Variants in ARHGAP26 observed in about 807,000 individuals in gnomAD.
ARHGAP26 encodes Rho GTPase activating protein 26, also known as rho GTPase-activating protein 26.
In ARHGAP26, 38 loss-of-function variants were observed where a neutral mutation model predicts 104.8. The ratio of observed to expected loss-of-function variants is 0.36; its 90% CI spans 0.28 to 0.48. The LOEUF is 0.48. ARHGAP26 is among the 20% of genes least tolerant of loss of function. ARHGAP26 has a pLI of 0.99. For missense variants in ARHGAP26, 704 were observed against 947.9 expected (o/e 0.74, Z 3.38); for synonymous variants, 341 against 340.0 (o/e 1.00, Z -0.03).
intron 11 of ARHGAP26, among the ~76,000 whole-genome samples, chr5:142,993,299 A>G (rs1210946321): frequency 6.6e-6 from 1 of 151,528 alleles, no homozygotes; most frequent in Non-Finnish European, 1.5e-5. Context: ...CCTCCCGAGT[A>G]GCTGGGACTA....
intron 10 of ARHGAP26, chr5:142,922,206 C>A (rs1413860504): frequency 6.6e-6 from 1 of 152,160 alleles, no homozygotes; most frequent in Non-Finnish European, 1.5e-5. Context: ...ATTGTTTCTT[C>A]TAGCTTGCTA....
chr5:143,101,406 G>A (rs771671481), intron 17 of ARHGAP26, among the ~76,000 whole-genome samples: 2 of 151,912 alleles, frequency 1.3e-5, no homozygotes, highest in African/African-American at 2.4e-5. Flanking sequence ...TCAGGGAGTG[G>A]GCCTTAAATG....
intron 17 of ARHGAP26, among the ~76,000 whole-genome samples, chr5:143,077,589 G>A (rs1789224881): frequency 6.6e-6 from 1 of 152,204 alleles, no homozygotes; most frequent in South Asian, 2.1e-4. Context: ...GCTCACCGTA[G>A]ATGACTAGGA....
At chr5:142,925,537 C>A (rs1763789110) in intron 10 of ARHGAP26, among the ~76,000 whole-genome samples, 2 of 152,218 alleles carry the variant, frequency 1.3e-5, no homozygotes, top group African/African-American at 4.8e-5. Context: ...AAATGAAGCT[C>A]TTCTGAACCC....
intron 20 of ARHGAP26, among the ~76,000 whole-genome samples, chr5:143,204,033 A>T (rs563038202): frequency 6.6e-6 from 1 of 151,774 alleles, no homozygotes; most frequent in Admixed American, 6.6e-5. Flanking sequence ...AAACCTGCAC[A>T]TTCTGCACAT....
At chr5:143,119,743 C>T (rs1367650427) in intron 17 of ARHGAP26, among the ~76,000 whole-genome samples, 1 of 152,148 alleles carries the variant, frequency 6.6e-6, no homozygotes, top group African/African-American at 2.4e-5. Context: ...TAACCATGCT[C>T]TGCCCACCTT....
chr5:143,045,810 C>CGAGAGCAGCCAGGCT (rs1784143758), intron 14 of ARHGAP26, among the ~76,000 whole-genome samples: 1 of 151,892 alleles, frequency 6.6e-6, no homozygotes, highest in East Asian at 1.9e-4. Context: ...GCAGCCAGGC[C>CGAGAGCAGCCAGGCT]AACATGGTGA....
At chr5:143,152,481 T>G (rs1424094142) in intron 20 of ARHGAP26, among the ~76,000 whole-genome samples, 1 of 152,228 alleles carries the variant, frequency 6.6e-6, no homozygotes, top group East Asian at 1.9e-4. Context: ...ATGTGAAACT[T>G]GGGAGCAGAT....
chr5:143,111,009 A>G (rs1271429045), intron 17 of ARHGAP26, among the ~76,000 whole-genome samples: 4 of 152,262 alleles, frequency 2.6e-5, no homozygotes, highest in Non-Finnish European at 4.4e-5. Flanking sequence ...AGGTTGGCCT[A>G]TTTAATCTCT....
intron 18 of ARHGAP26, among the ~76,000 whole-genome samples, chr5:143,131,462 C>A (rs900323627): frequency 3.3e-5 from 5 of 152,120 alleles, no homozygotes; most frequent in African/African-American, 1.2e-4. Flanking sequence ...ATAATGAGAA[C>A]CAGGCCTATC....
intron 2 of ARHGAP26, among the ~76,000 whole-genome samples, chr5:142,873,722 G>A (rs1444988994): frequency 6.6e-6 from 1 of 152,174 alleles, no homozygotes; most frequent in East Asian, 1.9e-4. Flanking sequence ...GAGAAAGCTT[G>A]AAGTTTTGCA....
At chr5:143,162,524 G>T (rs1241330386) in intron 20 of ARHGAP26, among the ~76,000 whole-genome samples, 2 of 152,206 alleles carry the variant, frequency 1.3e-5, no homozygotes, top group African/African-American at 2.4e-5. Flanking sequence ...TGATGGCCAT[G>T]GCCAAGGTAA....
chr5:143,073,038 T>C (rs565860873), intron 17 of ARHGAP26, among the ~76,000 whole-genome samples: 3 of 152,300 alleles, frequency 2.0e-5, no homozygotes, highest in South Asian at 4.1e-4. Context: ...ATTAAAAAAA[T>C]AAAATTTAAA....
At chr5:143,114,248 T>C (rs1344472976) in intron 17 of ARHGAP26, among the ~76,000 whole-genome samples, 1 of 152,194 alleles carries the variant, frequency 6.6e-6, no homozygotes, top group Non-Finnish European at 1.5e-5. Flanking sequence ...GACACCCTCA[T>C]TCTGGTGCCA....
intron 1 of ARHGAP26, among the ~76,000 whole-genome samples, chr5:142,784,835 T>G (rs1164230418): frequency 6.6e-6 from 1 of 152,126 alleles, no homozygotes; most frequent in Non-Finnish European, 1.5e-5. Context: ...ATTTTCATCA[T>G]TCCCCCAAAG....
chr5:142,983,292 C>T (rs1182937239), intron 11 of ARHGAP26, among the ~76,000 whole-genome samples: 1 of 152,186 alleles, frequency 6.6e-6, no homozygotes, highest in Non-Finnish European at 1.5e-5. Context: ...TTGCAACCTC[C>T]ACCTCCCGGG....
intron 4 of ARHGAP26, among the ~76,000 whole-genome samples, chr5:142,881,122 C>G (rs563770472): frequency 6.6e-6 from 1 of 152,230 alleles, no homozygotes; most frequent in Non-Finnish European, 1.5e-5. Context: ...AGGCCCTGCC[C>G]GCAGGGCTCC....
At chr5:142,895,201 A>C (rs945547997) in intron 6 of ARHGAP26, among the ~76,000 whole-genome samples, 1 of 152,082 alleles carries the variant, frequency 6.6e-6, no homozygotes, top group Non-Finnish European at 1.5e-5. Context: ...AAGATTCTCT[A>C]CCTAGATTTA....
intron 13 of ARHGAP26, among the ~76,000 whole-genome samples, chr5:143,038,997 A>G (rs1783066215): frequency 6.6e-6 from 1 of 152,048 alleles, no homozygotes; most frequent in Non-Finnish European, 1.5e-5. Flanking sequence ...AAAATTATTT[A>G]TAATACGTGA....
Sources: allele counts gnomAD v4.1 joint callset (sites outside exome capture counted in the v4.1 genomes callset), GRCh38; gene constraint gnomAD v4.1.1; transcripts MANE v1.5; gene names NCBI Gene and HGNC (gene_info 2026-07-23, HGNC 2026-07-21).